CD44: variants seen among roughly 807,000 people sequenced by gnomAD.
The protein encoded by CD44 is CD44 antigen.
A neutral mutation model predicts 88.8 loss-of-function variants in CD44; 49 were observed. The observed-to-expected ratio is 0.55, with a 90% CI of 0.44 to 0.70. The LOEUF (loss-of-function observed/expected upper bound fraction) is 0.70, where lower values mean the gene tolerates loss of function less well. Ranked by LOEUF, CD44 falls within the 30% of genes least tolerant of loss-of-function variation. The probability of loss-of-function intolerance (pLI) is 0.00; values close to 1 mark genes in which losing one functional copy is unlikely to be tolerated. For synonymous variants in CD44, 325 were observed against 312.3 expected (o/e 1.04, Z -0.43); for missense variants, 883 against 913.8 (o/e 0.97, Z 0.43).
chr11:35,164,886 G>A (rs937022728), intron 1 of CD44, among the ~76,000 whole-genome samples: 2 of 152,290 alleles, frequency 1.3e-5, no homozygotes, highest in Middle Eastern at 3.4e-3. Flanking sequence ...GCATCTGTTT[G>A]TATGTCCGTT....
At chr11:35,185,857 C>T (rs1945619441) in intron 3 of CD44, among the ~76,000 whole-genome samples, 1 of 152,196 alleles carries the variant, frequency 6.6e-6, no homozygotes, top group South Asian at 2.1e-4. Flanking sequence ...TTCAGCTACA[C>T]TGCAGTCTGC....
intron 3 of CD44, among the ~76,000 whole-genome samples, chr11:35,182,634 T>C (rs1945262711): frequency 6.6e-6 from 1 of 152,152 alleles, no homozygotes; most frequent in Non-Finnish European, 1.5e-5. Context: ...GAAATAGACA[T>C]AGAGCAACAT....
rs750242872 is a variant in CD44 at position 35,176,744 on chromosome 11, A to G, written c.233+4A>G. On this transcript the variant is annotated splice_donor_region_variant and intron_variant, in intron 2 of 17. Transcript: ENST00000428726. ...GCATCGGATTTGAGACCTGCAGGTA[A>G]GAGACCAGCACCCGACCACTGGGGA... 1.2e-6 allele frequency: 2 copies of G among 1,613,342 alleles called. No individual in the cohort carries two copies. The highest frequency in any genetic ancestry group is 1.7e-5 in the Admixed American group (1 of 59,882).
At chr11:35,181,630 A>G (rs964239310) in intron 3 of CD44, among the ~76,000 whole-genome samples, 1 of 146,044 alleles carries the variant, frequency 6.8e-6, no homozygotes, top group Non-Finnish European at 1.5e-5. Flanking sequence ...GGGACTTAAG[A>G]CATTATCAGC....
chr11:35,204,849 T>C (rs1302557982), intron 10 of CD44: 6 of 498,242 alleles, frequency 1.2e-5, no homozygotes, highest in East Asian at 3.6e-5. Flanking sequence ...CAGTTATGAA[T>C]AAGAACAGGA....
rs531113522 is a variant in CD44 at position 35,186,819 on chromosome 11, T to TC, written c.368-11dup. ...TTTTAAAGGGTTCTCATCCTTTTTTTCCTACCTCATAGCTCCACCTGAAGA... is the reference window on the plus strand; with the variant it reads ...TTTTAAAGGGTTCTCATCCTTTTTTTCCCTACCTCATAGCTCCACCTGAAGA... On this transcript the variant is annotated splice_polypyrimidine_tract_variant and intron_variant, in intron 3 of 17. Coordinates refer to ENST00000428726, the MANE Select transcript of CD44 (RefSeq NM_000610.4). 2.2e-4 allele frequency: 348 copies of TC among 1,567,598 alleles called. 3 individuals are homozygous for TC. In the African/African-American group the frequency reaches 2.6e-3, roughly 12 times the overall value.
At chr11:35,206,669 T>TGGGGGGG (rs57972216) in intron 11 of CD44, among the ~76,000 whole-genome samples, 21 of 146,116 alleles carry the variant, frequency 1.4e-4, no homozygotes, top group South Asian at 2.2e-4. Flanking sequence ...TGGGGGTTGG[T>TGGGGGGG]GGGGGGGGCA....
In CD44 at chr11:35,221,674, T is replaced by A. The variant is rs1949315312; in HGVS notation, c.1966T>A (p.Ser656Thr). The change falls in exon 17 of 18, where the codon TCC (serine) becomes ACC (threonine). Residue 656 changes from serine (S) to threonine (T), a missense_variant. By Grantham distance (58) the Ser-to-Thr change is moderately conservative. Around this residue, in one of 2 missense-constraint regions of CD44, gnomAD observed 631 missense variants for 590.9 expected, o/e 1.07. Coordinates refer to ENST00000428726, the MANE Select transcript of CD44 (RefSeq NM_000610.4). Reference sequence around the variant, plus strand: ...ACCAGAATGGCTGATCATCTTGGCATCCCTCTTGGCCTTGGCTTTGATTCT... The same window carrying A: ...ACCAGAATGGCTGATCATCTTGGCAACCCTCTTGGCCTTGGCTTTGATTCT... ...QIPEWLIILA[S>T]LLALALILAV... is the part of the protein sequence containing the mutation. 6.2e-7 allele frequency: 1 copy of A among 1,613,950 alleles called. No individual in the cohort carries two copies. Among genetic ancestry groups the A allele is most frequent in the Non-Finnish European group, 8.5e-7 (1 of 1,179,894 alleles).
At chr11:35,221,060 T>A (rs1949256337) in intron 16 of CD44, among the ~76,000 whole-genome samples, 1 of 152,164 alleles carries the variant, frequency 6.6e-6, no homozygotes, top group Non-Finnish European at 1.5e-5. Flanking sequence ...CACCCGGCCT[T>A]TCCTGTCATT....
rs149643293 is a variant in CD44, at chr11:35,230,992, G to A, written c.*1659G>A. ...ATCAGGGCTGGGCTTAGACAGAGTT[G>A]ATCTGTAGAATATCTTTAAAGGAGA... On this transcript the variant is annotated 3_prime_UTR_variant, in exon 18 of 18. Coordinates refer to ENST00000428726, the MANE Select transcript of CD44 (RefSeq NM_000610.4). 6.5e-6 allele frequency: 1 copy of A among 153,774 alleles called. No homozygotes were observed. The highest frequency in any genetic ancestry group is 1.5e-5 in the Non-Finnish European group (1 of 68,818). The allele number at this position is 153,774 out of a possible 1,614,324, so 9.5% of individuals were successfully genotyped here. A position where few individuals can be genotyped will look rare whatever the true frequency, so the allele number is the denominator to read the frequency against.
At chr11:35,146,743 A>G (rs1859255224) in intron 1 of CD44, among the ~76,000 whole-genome samples, 1 of 152,196 alleles carries the variant, frequency 6.6e-6, no homozygotes, top group Non-Finnish European at 1.5e-5. Flanking sequence ...TTCTCTTGGT[A>G]TATTAAGATA....
intron 15 of CD44, among the ~76,000 whole-genome samples, chr11:35,217,419 T>G (rs537273555): frequency 5.1e-4 from 77 of 149,926 alleles, no homozygotes; most frequent in African/African-American, 1.8e-3. Flanking sequence ...CGGCCAAAGA[T>G]CTTCAGTTTA....
At chr11:35,184,289 C>T (rs187510411) in intron 3 of CD44, among the ~76,000 whole-genome samples, 6,542 of 152,230 alleles carry the variant, frequency 0.043, 232 homozygotes, top group African/African-American at 0.092. Context: ...AACAAATGCT[C>T]TAATAATTTA....
At chr11:35,220,310 G>T (rs1179266068) in intron 16 of CD44, among the ~76,000 whole-genome samples, 1 of 152,140 alleles carries the variant, frequency 6.6e-6, no homozygotes, top group Non-Finnish European at 1.5e-5. Flanking sequence ...CTCAGGGCTG[G>T]AAACCAGGGC....
intron 1 of CD44, among the ~76,000 whole-genome samples, chr11:35,156,782 C>T (rs780778106): frequency 2.0e-5 from 3 of 152,204 alleles, no homozygotes; most frequent in Non-Finnish European, 4.4e-5. Context: ...TGTAATTCAG[C>T]ACTTTGGGAG....
At chr11:35,214,493 T>G (rs1237968937) in intron 14 of CD44, among the ~76,000 whole-genome samples, 1 of 152,228 alleles carries the variant, frequency 6.6e-6, no homozygotes, top group Admixed American at 6.5e-5. Context: ...CAATGTCTAG[T>G]CTCAACCTCA....
chr11:35,199,953 T>G (rs946167039), intron 7 of CD44, among the ~76,000 whole-genome samples: 2 of 148,914 alleles, frequency 1.3e-5, no homozygotes, highest in African/African-American at 5.0e-5. Context: ...TTTTTTTTTT[T>G]TTTTTTTTAA....
chr11:35,201,317 G>T (rs1254809338), intron 8 of CD44, 122 bp downstream of exon 8: 1 of 724,924 alleles, frequency 1.4e-6, no homozygotes, highest in Non-Finnish European at 2.4e-6. Flanking sequence ...AATTCTTAGT[G>T]GACTTTTATG....
chr11:35,165,242 A>G (rs763374823), intron 1 of CD44, among the ~76,000 whole-genome samples: 13 of 152,296 alleles, frequency 8.5e-5, no homozygotes, highest in African/African-American at 1.4e-4. Flanking sequence ...AAAACCATCA[A>G]TCTTCTCTCT....
Sources: allele counts gnomAD v4.1 joint callset (sites outside exome capture counted in the v4.1 genomes callset), GRCh38; gene constraint gnomAD v4.1.1; regional missense constraint gnomAD v4.1.1; transcripts MANE v1.5; gene names NCBI Gene and HGNC (gene_info 2026-07-23, HGNC 2026-07-21).